Variants in PDE12 observed in about 807,000 individuals in gnomAD.
PDE12 encodes phosphodiesterase 12.
In PDE12, 26 loss-of-function variants were observed where a neutral mutation model predicts 45.4. The ratio of observed to expected loss-of-function variants is 0.57; its 90% CI spans 0.42 to 0.79. PDE12 has a LOEUF of 0.79. Among genes scored for constraint, PDE12 ranks in the 30% least tolerant of loss-of-function variants. The pLI, the probability that PDE12 is intolerant of heterozygous loss-of-function variation, is 0.00. For missense variants in PDE12, 668 were observed against 790.0 expected (o/e 0.85, Z 1.85); for synonymous variants, 283 against 323.9 (o/e 0.87, Z 1.36).
At chr3:57,633,185 T>A in the PDE12 span, 1 of 1,197,144 alleles carries the variant, frequency 8.4e-7, no homozygotes, top group Non-Finnish European at 1.2e-6. Context: ...ACTTAAGATA[T>A]GGTTTTGGAG....
the PDE12 span, among the ~76,000 whole-genome samples, chr3:57,653,104 T>A: frequency 6.6e-6 from 1 of 152,220 alleles, no homozygotes; most frequent in South Asian, 2.1e-4. Flanking sequence ...GTCGCCAGCT[T>A]ACTACCAAAT....
At chr3:57,589,223 G>A in the PDE12 span, among the ~76,000 whole-genome samples, 6 of 152,050 alleles carry the variant, frequency 3.9e-5, no homozygotes, top group Non-Finnish European at 7.4e-5. Flanking sequence ...AGCTGTGATC[G>A]CACCACTGTG....
the PDE12 span, among the ~76,000 whole-genome samples, chr3:57,581,361 G>A: frequency 6.6e-6 from 1 of 152,116 alleles, no homozygotes; most frequent in Non-Finnish European, 1.5e-5. Flanking sequence ...GTCCAAAGAG[G>A]CCAGAATTGG....
At chr3:57,568,317 T>C (rs2069804707), downstream of PDE12, among the ~76,000 whole-genome samples, 1 of 151,788 alleles carries the variant, frequency 6.6e-6, no homozygotes, top group South Asian at 2.1e-4. Context: ...TAGCCAAGAC[T>C]GATGGCGTGG....
chr3:57,645,178 G>A, the PDE12 span, among the ~76,000 whole-genome samples: 10 of 152,128 alleles, frequency 6.6e-5, no homozygotes, highest in Non-Finnish European at 1.3e-4. Context: ...ATAAAATCAC[G>A]TGGGCCGGGT....
the PDE12 span, among the ~76,000 whole-genome samples, chr3:57,602,328 C>T: frequency 6.6e-6 from 1 of 152,142 alleles, no homozygotes; most frequent in Non-Finnish European, 1.5e-5. Flanking sequence ...TCTCATCTGA[C>T]TGTAATTCAC....
chr3:57,629,075 A>G, the PDE12 span, among the ~76,000 whole-genome samples: 1 of 152,250 alleles, frequency 6.6e-6, no homozygotes, highest in Non-Finnish European at 1.5e-5. Flanking sequence ...AATTTTCTGC[A>G]TTAGCCAGAA....
the PDE12 span, among the ~76,000 whole-genome samples, chr3:57,591,027 T>G: frequency 6.6e-6 from 1 of 152,218 alleles, no homozygotes; most frequent in Admixed American, 6.5e-5. Context: ...AGACATTTAA[T>G]GTCCAGAAAT....
the PDE12 span, among the ~76,000 whole-genome samples, chr3:57,642,879 G>A: frequency 0.13 from 20,420 of 151,762 alleles, 1,448 homozygotes; most frequent in South Asian, 0.21. Flanking sequence ...GGTGGCAGGC[G>A]CCTGTAATCC....
At chr3:57,613,900 C>CAACAA in the PDE12 span, among the ~76,000 whole-genome samples, 1 of 59,454 alleles carries the variant, frequency 1.7e-5, no homozygotes, top group African/African-American at 7.6e-5. Flanking sequence ...GACTCCATCT[C>CAACAA]AAAAAAAAAA....
At chr3:57,609,216 T>C in the PDE12 span, among the ~76,000 whole-genome samples, 1 of 152,116 alleles carries the variant, frequency 6.6e-6, no homozygotes. Context: ...TACCAGAATC[T>C]CTGGGACACA....
the PDE12 span, among the ~76,000 whole-genome samples, chr3:57,619,215 G>A: frequency 1.3e-5 from 2 of 152,018 alleles, no homozygotes; most frequent in South Asian, 2.1e-4. Flanking sequence ...GGGTGTGGTG[G>A]CGGGTGCCTG....
the PDE12 span, chr3:57,634,679 T>C: frequency 2.6e-6 from 4 of 1,511,884 alleles, no homozygotes; most frequent in Non-Finnish European, 3.5e-6. Context: ...TAAATATATA[T>C]TTAAAAATCA....
chr3:57,569,478 G>A (rs558428539), downstream of PDE12, among the ~76,000 whole-genome samples: 1 of 151,850 alleles, frequency 6.6e-6, no homozygotes, highest in African/African-American at 2.4e-5. Flanking sequence ...TCAGCCTCTC[G>A]AGTAGCTGGG....
chr3:57,622,183 A>G, the PDE12 span, among the ~76,000 whole-genome samples: 3 of 152,196 alleles, frequency 2.0e-5, no homozygotes, highest in African/African-American at 7.2e-5. Context: ...CTCAAAAACC[A>G]AATCAAACCA....
At chr3:57,650,114 A>G in the PDE12 span, among the ~76,000 whole-genome samples, 1 of 152,092 alleles carries the variant, frequency 6.6e-6, no homozygotes, top group Non-Finnish European at 1.5e-5. Context: ...TAAGAATGAT[A>G]CTATGAACTT....
At chr3:57,645,904 AAGAC>A in the PDE12 span, 7 of 627,856 alleles carry the variant, frequency 1.1e-5, no homozygotes, top group Middle Eastern at 3.4e-4. Context: ...CAGAATTAGA[AAGAC>A]AGATATATGT....
At chr3:57,567,697 A>C (rs1011936387), downstream of PDE12, among the ~76,000 whole-genome samples, 1 of 152,172 alleles carries the variant, frequency 6.6e-6, no homozygotes, top group Non-Finnish European at 1.5e-5. Flanking sequence ...TCTAGTTTTC[A>C]TACTAATTCT....
the PDE12 span, among the ~76,000 whole-genome samples, chr3:57,655,312 C>T: frequency 6.6e-6 from 1 of 152,260 alleles, no homozygotes; most frequent in Admixed American, 6.5e-5. Flanking sequence ...GGATTACAGG[C>T]GTGAGCCACT....
Sources: allele counts gnomAD v4.1 joint callset (sites outside exome capture counted in the v4.1 genomes callset), GRCh38; gene constraint gnomAD v4.1.1; transcripts MANE v1.5; gene names NCBI Gene and HGNC (gene_info 2026-07-23, HGNC 2026-07-21).